DPP10: variants seen among roughly 807,000 people sequenced by gnomAD.
DPP10 encodes the protein inactive dipeptidyl peptidase 10.
A neutral mutation model predicts 120.9 loss-of-function variants in DPP10; 33 were observed. That is an observed-to-expected ratio of 0.27 (90% CI 0.21 to 0.37). DPP10 has a LOEUF of 0.37. Among genes scored for constraint, DPP10 ranks in the 10% least tolerant of loss-of-function variants. The probability of loss-of-function intolerance (pLI) is 1.00; values close to 1 mark genes in which losing one functional copy is unlikely to be tolerated. For missense variants in DPP10, 816 were observed against 942.8 expected, an observed-to-expected ratio of 0.87 and a Z score of 1.76; for synonymous variants, 337 against 326.1, an observed-to-expected ratio of 1.03 and a Z score of -0.36.
At position 115,548,239 on chromosome 2, in the gene DPP10, C is replaced by T. The variant is rs752916083; in HGVS notation, c.441+22267C>T. On this transcript the variant is annotated intron_variant, in intron 5 of 25. Coordinates refer to ENST00000410059, the MANE Select transcript of DPP10 (RefSeq NM_020868.6). The stretch of plus-strand genomic sequence containing the variant: ...TTTAAATCTTCTGGGATCATTTAAG[C>T]GAGTTTTCTCCTATGCATTAGATCC... Among the ~76,000 whole-genome samples, 6 of 152,162 alleles carry T rather than the reference C, an allele frequency of 3.9e-5. 1 individual carries two copies. The highest frequency in any genetic ancestry group is 4.1e-4 in the South Asian group (2 of 4,832).
At chr2:114,718,497 G>C (rs1701500707) in intron 1 of DPP10, among the ~76,000 whole-genome samples, 1 of 151,792 alleles carries the variant, frequency 6.6e-6, no homozygotes, top group South Asian at 2.1e-4. Flanking sequence ...TATTGTATTG[G>C]ATAGATATAG....
At chr2:115,381,440 A>G (rs2066346032) in intron 3 of DPP10, among the ~76,000 whole-genome samples, 1 of 152,040 alleles carries the variant, frequency 6.6e-6, no homozygotes, top group Admixed American at 6.5e-5. Flanking sequence ...TGGTTATTCT[A>G]GTTATACATT....
intron 1 of DPP10, among the ~76,000 whole-genome samples, chr2:114,875,070 G>A (rs796724381): frequency 4.6e-5 from 7 of 152,224 alleles, no homozygotes; most frequent in African/African-American, 1.7e-4. Flanking sequence ...ATTCTTCCAT[G>A]CTAAAAGGGT....
chr2:115,782,077 T>C (rs986501056), intron 16 of DPP10, among the ~76,000 whole-genome samples: 1 of 151,904 alleles, frequency 6.6e-6, no homozygotes, highest in Non-Finnish European at 1.5e-5. Context: ...AGAGAAAGCA[T>C]GTAGAATTGG....
intron 5 of DPP10, among the ~76,000 whole-genome samples, chr2:115,641,820 C>G (rs1260106694): frequency 6.6e-6 from 1 of 152,062 alleles, no homozygotes; most frequent in African/African-American, 2.4e-5. Context: ...ACTGGTGCCT[C>G]AAAACAAAAC....
At chr2:114,473,806 A>T (rs1447377599) in intron 1 of DPP10, among the ~76,000 whole-genome samples, 1 of 152,218 alleles carries the variant, frequency 6.6e-6, no homozygotes, top group South Asian at 2.1e-4. Context: ...AAGTAATGTA[A>T]ACACTGACAT....
At chr2:115,546,481 A>G (rs576495718) in intron 5 of DPP10, among the ~76,000 whole-genome samples, 2 of 152,182 alleles carry the variant, frequency 1.3e-5, no homozygotes, top group East Asian at 3.9e-4. Flanking sequence ...CCATTCATTT[A>G]GGTTTCTCTG....
At chr2:115,659,166 G>A (rs1002959715) in intron 5 of DPP10, among the ~76,000 whole-genome samples, 1 of 152,070 alleles carries the variant, frequency 6.6e-6, no homozygotes, top group Non-Finnish European at 1.5e-5. Flanking sequence ...GCCAGGAGAT[G>A]ACTTAGCAAG....
At chr2:115,500,020 G>GTGGT (rs2076602810) in intron 4 of DPP10, among the ~76,000 whole-genome samples, 1 of 151,894 alleles carries the variant, frequency 6.6e-6, no homozygotes. Context: ...AGATAGAAAG[G>GTGGT]CTTTCTAAAG....
rs139026036 is a variant in DPP10 at position 115,196,615 on chromosome 2, G to A, written c.61-112624G>A. On this transcript the variant is annotated intron_variant, in intron 1 of 25. Transcript: ENST00000410059. ...AAAAATTTAATTTCCCTTCATGTTA[G>A]TGGGTAACTATAACCATAAAAGAGA... Among the ~76,000 whole-genome samples the A allele has an allele frequency of 7.2e-4, 110 of 152,200 alleles. 2 individuals are homozygous for A. In the East Asian group the frequency reaches 0.015, roughly 20 times the overall value.
chr2:114,921,294 T>A (rs528580482), intron 1 of DPP10, among the ~76,000 whole-genome samples: 1 of 152,306 alleles, frequency 6.6e-6, no homozygotes, highest in South Asian at 2.1e-4. Context: ...TAAACTCACA[T>A]AGCTTAAGCA....
intron 1 of DPP10, among the ~76,000 whole-genome samples, chr2:115,189,812 CCTT>C (rs1275104347): frequency 3.3e-5 from 5 of 152,136 alleles, no homozygotes; most frequent in African/African-American, 1.2e-4. Context: ...AACGAGTACA[CCTT>C]CTACGCTGCG....
intron 1 of DPP10, among the ~76,000 whole-genome samples, chr2:114,897,697 A>G (rs1237279111): frequency 1.3e-5 from 2 of 152,156 alleles, no homozygotes; most frequent in Non-Finnish European, 2.9e-5. Context: ...GGACATGAAC[A>G]GACACTTCTC....
At chr2:114,891,702 T>C (rs1382261745) in intron 1 of DPP10, among the ~76,000 whole-genome samples, 1 of 152,206 alleles carries the variant, frequency 6.6e-6, no homozygotes. Context: ...GCAAATATCA[T>C]GTGACCCATC....
intron 1 of DPP10, among the ~76,000 whole-genome samples, chr2:115,218,563 C>T (rs1204223624): frequency 1.3e-5 from 2 of 152,090 alleles, no homozygotes; most frequent in African/African-American, 2.4e-5. Context: ...AAATTTTGTA[C>T]TTCAACAAGA....
chr2:115,386,832 T>C (rs1201828250), intron 3 of DPP10, among the ~76,000 whole-genome samples: 2 of 152,098 alleles, frequency 1.3e-5, no homozygotes, highest in Non-Finnish European at 2.9e-5. Flanking sequence ...TGTTACCCTT[T>C]AATAAATTCA....
chr2:114,812,601 C>T (rs1291962014), intron 1 of DPP10, among the ~76,000 whole-genome samples: 1 of 151,518 alleles, frequency 6.6e-6, no homozygotes, highest in African/African-American at 2.4e-5. Flanking sequence ...CACACACACA[C>T]ACACACACAC....
intron 1 of DPP10, among the ~76,000 whole-genome samples, chr2:114,861,544 T>C (rs1185427075): frequency 6.6e-6 from 1 of 152,220 alleles, no homozygotes; most frequent in Admixed American, 6.5e-5. Context: ...GTATCAAAGC[T>C]ACTCAGTGCA....
At chr2:114,765,713 A>G (rs1680651205) in intron 1 of DPP10, among the ~76,000 whole-genome samples, 1 of 152,228 alleles carries the variant, frequency 6.6e-6, no homozygotes, top group Non-Finnish European at 1.5e-5. Context: ...CAATTTGGAA[A>G]TTCCAGCTTA....
Sources: gnomAD v4.1 joint callset for allele counts (sites outside exome capture counted in the v4.1 genomes callset) on GRCh38, gnomAD v4.1.1 for gene constraint, MANE v1.5 for transcripts, NCBI Gene and HGNC (gene_info 2026-07-23, HGNC 2026-07-21) for gene names.